Variants in CDKAL1 observed in about 807,000 individuals in gnomAD.
CDKAL1 encodes CDKAL1 threonylcarbamoyladenosine tRNA methylthiotransferase.
Under a neutral mutation model 68.2 loss-of-function variants are expected in CDKAL1, and 32 were observed. The observed-to-expected ratio is 0.47, with a 90% CI of 0.35 to 0.63. CDKAL1 has a LOEUF of 0.63. CDKAL1 is among the 30% of genes least tolerant of loss of function. The pLI is 0.00. For missense variants in CDKAL1, 606 were observed against 696.7 expected (o/e 0.87, Z 1.47); for synonymous variants, 234 against 244.3 (o/e 0.96, Z 0.39).
chr6:20,872,593 G>T (rs1760282940), intron 9 of CDKAL1, among the ~76,000 whole-genome samples: 1 of 152,216 alleles, frequency 6.6e-6, no homozygotes, highest in Admixed American at 6.5e-5. Flanking sequence ...AGAACACTCT[G>T]CAGTCTGAAT....
chr6:20,740,028 A>G (rs1337105081), intron 6 of CDKAL1, among the ~76,000 whole-genome samples: 1 of 152,170 alleles, frequency 6.6e-6, no homozygotes, highest in Non-Finnish European at 1.5e-5. Context: ...CTCAGCTCCA[A>G]CATGACAACA....
At chr6:20,536,526 T>C (rs1317320755) in intron 2 of CDKAL1, among the ~76,000 whole-genome samples, 72 of 152,218 alleles carry the variant, frequency 4.7e-4, no homozygotes, top group Admixed American at 4.7e-3. Flanking sequence ...CCTTGAATTG[T>C]CTAGGTTATG....
intron 13 of CDKAL1, among the ~76,000 whole-genome samples, chr6:21,185,522 T>C (rs1444778146): frequency 6.6e-6 from 1 of 152,218 alleles, no homozygotes; most frequent in East Asian, 1.9e-4. Flanking sequence ...ACAATCTCGA[T>C]TTTCTTTGAA....
intron 4 of CDKAL1, among the ~76,000 whole-genome samples, chr6:20,641,392 A>G (rs111789939): frequency 1.3e-5 from 2 of 152,330 alleles, no homozygotes; most frequent in African/African-American, 4.8e-5. Flanking sequence ...ATTAAGCATT[A>G]AAAAATTATA....
At chr6:20,984,427 C>T (rs775705003) in intron 10 of CDKAL1, among the ~76,000 whole-genome samples, 4 of 152,136 alleles carry the variant, frequency 2.6e-5, no homozygotes, top group Non-Finnish European at 5.9e-5. Context: ...GTGCCCGAGA[C>T]CCCTGAAGCC....
chr6:21,107,677 C>T (rs1229995843), intron 12 of CDKAL1, among the ~76,000 whole-genome samples: 1 of 152,100 alleles, frequency 6.6e-6, no homozygotes, highest in Non-Finnish European at 1.5e-5. Flanking sequence ...AGTGATATAC[C>T]TGCCTCGGCC....
At chr6:21,033,415 C>A (rs1769401530) in intron 11 of CDKAL1, among the ~76,000 whole-genome samples, 1 of 151,904 alleles carries the variant, frequency 6.6e-6, no homozygotes, top group Non-Finnish European at 1.5e-5. Flanking sequence ...GTTTTTTTAA[C>A]CTGAGTGGCC....
At chr6:20,766,390 T>A (rs1774704834) in intron 7 of CDKAL1, among the ~76,000 whole-genome samples, 1 of 152,172 alleles carries the variant, frequency 6.6e-6, no homozygotes, top group Non-Finnish European at 1.5e-5. Flanking sequence ...TATAGTGGTT[T>A]ACTAGATTTG....
intron 4 of CDKAL1, among the ~76,000 whole-genome samples, chr6:20,570,318 G>C (rs1764647282): frequency 6.6e-6 from 1 of 151,802 alleles, no homozygotes; most frequent in Non-Finnish European, 1.5e-5. Flanking sequence ...TGGCCAGTAT[G>C]GTCTCTATCT....
chr6:20,674,439 T>C (rs1203512540), intron 5 of CDKAL1, among the ~76,000 whole-genome samples: 2 of 152,322 alleles, frequency 1.3e-5, no homozygotes, highest in African/African-American at 4.8e-5. Flanking sequence ...TTTAGAGTTT[T>C]TTCTTTTTAA....
chr6:20,798,511 C>G (rs1776209310), intron 8 of CDKAL1, among the ~76,000 whole-genome samples: 1 of 152,024 alleles, frequency 6.6e-6, no homozygotes, highest in Admixed American at 6.6e-5. Flanking sequence ...TTGGAACCAA[C>G]CCAAATGTCC....
intron 11 of CDKAL1, among the ~76,000 whole-genome samples, chr6:21,040,089 T>C (rs1184007159): frequency 6.6e-6 from 1 of 152,210 alleles, no homozygotes. Flanking sequence ...AAATCCCTTT[T>C]TTTATGCATT....
chr6:20,975,350 A>C (rs1365850025), intron 10 of CDKAL1, among the ~76,000 whole-genome samples: 1 of 152,132 alleles, frequency 6.6e-6, no homozygotes, highest in East Asian at 1.9e-4. Context: ...TTTTCGAACA[A>C]GTTTGCTTGG....
chr6:20,880,278 A>G (rs1331324565), intron 9 of CDKAL1, among the ~76,000 whole-genome samples: 1 of 151,620 alleles, frequency 6.6e-6, no homozygotes, highest in Non-Finnish European at 1.5e-5. Flanking sequence ...TTTTTTCGAG[A>G]TGGAATCTCT....
chr6:20,763,292 C>T (rs1774549256), intron 7 of CDKAL1, among the ~76,000 whole-genome samples: 1 of 152,194 alleles, frequency 6.6e-6, no homozygotes, highest in African/African-American at 2.4e-5. Flanking sequence ...CCCTGTTTAT[C>T]TTTCTCCAGG....
intron 9 of CDKAL1, among the ~76,000 whole-genome samples, chr6:20,903,239 CT>C (rs1762090092): frequency 6.6e-6 from 1 of 152,084 alleles, no homozygotes; most frequent in South Asian, 2.1e-4. Flanking sequence ...TGGTGAATAT[CT>C]TAATTTCTGT....
intron 8 of CDKAL1, among the ~76,000 whole-genome samples, chr6:20,835,944 T>C (rs1777921536): frequency 6.6e-6 from 1 of 152,136 alleles, no homozygotes; most frequent in South Asian, 2.1e-4. Flanking sequence ...CAAAATGAGA[T>C]GTATATGAGG....
intron 4 of CDKAL1, among the ~76,000 whole-genome samples, chr6:20,619,562 CAA>C: frequency 6.6e-6 from 1 of 152,096 alleles, no homozygotes; most frequent in Non-Finnish European, 1.5e-5. Flanking sequence ...AGATAGTCAC[CAA>C]ATACCTTGCA....
chr6:20,751,437 A>C (rs1001215788), intron 6 of CDKAL1, among the ~76,000 whole-genome samples: 4 of 152,190 alleles, frequency 2.6e-5, no homozygotes, highest in African/African-American at 9.7e-5. Context: ...GCCACATTTG[A>C]AGTCTGTAAT....
Sources: gnomAD v4.1 joint callset for allele counts (sites outside exome capture counted in the v4.1 genomes callset) on GRCh38, gnomAD v4.1.1 for gene constraint, MANE v1.5 for transcripts, NCBI Gene and HGNC (gene_info 2026-07-23, HGNC 2026-07-21) for gene names.